The following TRAF1 variants were observed in gnomAD, a reference collection of about 807,000 sequenced individuals.
TRAF1 encodes TNF receptor associated factor 1, also known as TNF receptor-associated factor 1.
In TRAF1, 23 loss-of-function variants were observed where a neutral mutation model predicts 40.9. That is an observed-to-expected ratio of 0.56 (90% CI 0.40 to 0.80). TRAF1 has a LOEUF of 0.80. Among genes scored for constraint, TRAF1 ranks in the 30% least tolerant of loss-of-function variants. The pLI is 0.00. For synonymous variants in TRAF1, 206 were observed against 218.8 expected (o/e 0.94, Z 0.52); for missense variants, 477 against 528.7 (o/e 0.90, Z 0.96).
At chr9:120,920,044 G>C (rs1191863106) in intron 3 of TRAF1, among the ~76,000 whole-genome samples, 2 of 152,276 alleles carry the variant, frequency 1.3e-5, no homozygotes, top group East Asian at 3.9e-4. Flanking sequence ...TCACAGGATC[G>C]GGGCGATTAC....
At chr9:120,916,172 G>A (rs1294244718) in intron 3 of TRAF1, among the ~76,000 whole-genome samples, 1 of 152,196 alleles carries the variant, frequency 6.6e-6, no homozygotes, top group African/African-American at 2.4e-5. Flanking sequence ...AAAACATTAT[G>A]CTAAGTGAAA....
At chr9:120,909,827 G>C (rs950423792) in intron 6 of TRAF1, among the ~76,000 whole-genome samples, 2 of 152,218 alleles carry the variant, frequency 1.3e-5, no homozygotes, top group Non-Finnish European at 2.9e-5. Context: ...GAGGGGCCAG[G>C]CTTCCTGCCT....
chr9:120,919,710 C>T (rs1035724884), intron 3 of TRAF1, among the ~76,000 whole-genome samples: 2 of 152,176 alleles, frequency 1.3e-5, no homozygotes, highest in Non-Finnish European at 2.9e-5. Flanking sequence ...CTGCTCAGCT[C>T]GACCGCCACC....
intron 5 of TRAF1, 82 bp from the exon 6 acceptor site, chr9:120,911,595 T>C (rs2046527918): frequency 1.3e-6 from 2 of 1,504,992 alleles, no homozygotes; most frequent in South Asian, 2.4e-5. Flanking sequence ...GAGATTGATC[T>C]GCCCCAGATG....
In TRAF1 at chr9:120,902,720, C is replaced by CCTTCACCAGCTGGATCTGGGATTCTGTG. The variant is rs2046448102; in HGVS notation, c.*2272_*2299dup. ...AGCTTAAAGGCCTGAAGCCTTCCCT[C>CCTTCACCAGCTGGATCTGGGATTCTGTG]CTTCACCAGCTGGATCTGGGATTCT... On this transcript the variant is annotated 3_prime_UTR_variant, in exon 8 of 8. Coordinates refer to ENST00000373887, the MANE Select transcript of TRAF1 (RefSeq NM_005658.5). The CCTTCACCAGCTGGATCTGGGATTCTGTG allele has an allele frequency of 6.6e-6, 1 of 152,284 alleles. No individual in the cohort carries two copies. The highest frequency in any genetic ancestry group is 2.4e-5 in the African/African-American group (1 of 41,466). 9.4% of individuals were successfully genotyped at this position (152,284 alleles called of 1,614,324 possible). A position where few individuals can be genotyped will look rare whatever the true frequency, so the allele number is the denominator to read the frequency against.
intron 5 of TRAF1, among the ~76,000 whole-genome samples, chr9:120,912,153 A>T (rs2046532860): frequency 6.6e-6 from 1 of 152,208 alleles, no homozygotes; most frequent in Non-Finnish European, 1.5e-5. Flanking sequence ...CGTTAATTTT[A>T]CTGATGGGGA....
At chr9:120,908,320 G>A (rs558891331) in intron 7 of TRAF1, among the ~76,000 whole-genome samples, 4 of 152,132 alleles carry the variant, frequency 2.6e-5, no homozygotes, top group South Asian at 2.1e-4. Flanking sequence ...TACACTAAAC[G>A]TCTGAATATT....
chr9:120,920,838 C>T (rs2046600097), intron 3 of TRAF1, among the ~76,000 whole-genome samples: 1 of 152,172 alleles, frequency 6.6e-6, no homozygotes, highest in African/African-American at 2.4e-5. Flanking sequence ...CACCCTGCCT[C>T]CATTTCCCAG....
chr9:120,921,069 C>T (rs977226749), intron 3 of TRAF1, among the ~76,000 whole-genome samples: 14 of 152,150 alleles, frequency 9.2e-5, no homozygotes, highest in Middle Eastern at 3.4e-3. Context: ...CATGACTCCA[C>T]GAGGTGGGGA....
chr9:120,905,845 C>T (rs1447529001), intron 7 of TRAF1, among the ~76,000 whole-genome samples: 3 of 152,236 alleles, frequency 2.0e-5, no homozygotes, highest in Non-Finnish European at 2.9e-5. Context: ...CATCAGGAAG[C>T]TGAATGGCTT....
At chr9:120,907,025 T>C (rs1417255578) in intron 7 of TRAF1, among the ~76,000 whole-genome samples, 3 of 152,162 alleles carry the variant, frequency 2.0e-5, no homozygotes, top group Non-Finnish European at 4.4e-5. Context: ...CACATCACAA[T>C]GCCCAGCTAA....
chr9:120,911,245 G>T, intron 6 of TRAF1, 91 bp downstream of exon 6: 1 of 1,434,000 alleles, frequency 7.0e-7, no homozygotes, highest in Non-Finnish European at 9.5e-7. Context: ...CAGCGTGTCT[G>T]TCACAGAGCT....
chr9:120,904,183 G>C lies in TRAF1; in HGVS notation c.*837C>G, dbSNP rs1016889394. 6.6e-6 allele frequency: 1 copy of C among 152,194 alleles called. No homozygotes were observed. The highest frequency in any genetic ancestry group is 1.5e-5 in the Non-Finnish European group (1 of 68,114). The allele number at this position is 152,194 out of a possible 1,614,324, so 9.4% of individuals were successfully genotyped here. On this transcript the variant is annotated 3_prime_UTR_variant, in exon 8 of 8. Coordinates refer to ENST00000373887, the MANE Select transcript of TRAF1 (RefSeq NM_005658.5). ...GCACCTGGGAGCTCACAGTGACTGG[G>C]TTTCACCTGCATGAAGTGACGTGGT...
At chr9:120,917,234 G>A (rs920794298) in intron 3 of TRAF1, among the ~76,000 whole-genome samples, 7 of 152,174 alleles carry the variant, frequency 4.6e-5, no homozygotes, top group South Asian at 2.1e-4. Context: ...AAGGGGCAGG[G>A]GTGACTTGAG....
At chr9:120,923,352 C>T (rs769517778) in intron 3 of TRAF1, among the ~76,000 whole-genome samples, 35 of 152,344 alleles carry the variant, frequency 2.3e-4, no homozygotes, top group Middle Eastern at 3.4e-3. Context: ...TCGAGAATTA[C>T]AGGTCATTAT....
rs529373620 is a variant in TRAF1 at position 120,911,391 on chromosome 9, G to A, written c.828C>T (p.Val276=). 2.5e-6 allele frequency: 4 copies of A among 1,613,690 alleles called. No individual in the cohort carries two copies. The South Asian group carries it at 4.4e-5, about 18-fold the overall frequency. The change falls in exon 6 of 8, where the codon GTC becomes GTT. Residue 276 remains valine, a synonymous_variant. Transcript: ENST00000373887. The part of the protein sequence containing the change: ...DGTFLWKITN[V]TRRCHESACG... The stretch of plus-strand genomic sequence containing the variant: ...AGGCCGACTCATGGCACCGCCTGGT[G>A]ACATTGGTGATCTTCCACAGGAAAG...
At chr9:120,916,906 A>G (rs1253878083) in intron 3 of TRAF1, among the ~76,000 whole-genome samples, 2 of 152,152 alleles carry the variant, frequency 1.3e-5, no homozygotes, top group Non-Finnish European at 2.9e-5. Flanking sequence ...TCCTTGGTGA[A>G]TATACCTGGG....
chr9:120,905,080 C>G lies in TRAF1; in HGVS notation c.1191G>C (p.Lys397Asn), dbSNP rs1306413599. 5.0e-6 allele frequency: 8 copies of G among 1,614,240 alleles called. No homozygotes were observed. Among genetic ancestry groups the G allele is most frequent in the Non-Finnish European group, 6.8e-6 (8 of 1,180,044 alleles). ...FFPLSKLQSP[K>N]HAYVKDDTMF... ...TTGTGTCGTCCTTCACGTAGGCGTG[C>G]TTGGGTGACTGCAGTTTGCTGAGGG... Residue 397 changes from lysine (K) to asparagine (N), a missense_variant, in exon 8 of 8, where the codon AAG becomes AAC. Transcript: ENST00000373887.
Position 120,926,266 on chromosome 9 carries a change from T to C in TRAF1, c.-191A>G. On this transcript the variant is annotated 5_prime_UTR_variant, in exon 2 of 8. Coordinates refer to ENST00000373887, the MANE Select transcript of TRAF1 (RefSeq NM_005658.5). The stretch of plus-strand genomic sequence containing the variant: ...CAGGGATGGAGCAGGAATTACCCTT[T>C]GTGGCGATAAAAATCCCCTGGATGG... The C allele has an allele frequency of 3.8e-6, 2 of 527,900 alleles. No individual in the cohort carries two copies. The highest frequency in any genetic ancestry group is 6.2e-6 in the Non-Finnish European group (2 of 325,156). The allele number at this position is 527,900 out of a possible 1,614,324, so 32.7% of individuals were successfully genotyped here. A position where few individuals can be genotyped will look rare whatever the true frequency, so the allele number is the denominator to read the frequency against.
Sources: gnomAD v4.1 joint callset for allele counts (sites outside exome capture counted in the v4.1 genomes callset) on GRCh38, gnomAD v4.1.1 for gene constraint, MANE v1.5 for transcripts, NCBI Gene and HGNC (gene_info 2026-07-23, HGNC 2026-07-21) for gene names.